NTRK2: variants seen among roughly 807,000 people sequenced by gnomAD.
The protein encoded by NTRK2 is BDNF/NT-3 growth factors receptor.
In NTRK2, 13 loss-of-function variants were observed where a neutral mutation model predicts 94.5. That is an observed-to-expected ratio of 0.14 (90% CI 0.09 to 0.22). The LOEUF is 0.22. Ranked by LOEUF, NTRK2 falls within the 10% of genes least tolerant of loss-of-function variation. The pLI, the probability that NTRK2 is intolerant of heterozygous loss-of-function variation, is 1.00. For synonymous variants in NTRK2, 372 were observed against 407.4 expected (o/e 0.91, Z 1.05); for missense variants, 639 against 1,071.2 (o/e 0.60, Z 5.63).
At chr9:84,891,874 T>C (rs1426412404) in intron 14 of NTRK2, among the ~76,000 whole-genome samples, 2 of 152,156 alleles carry the variant, frequency 1.3e-5, no homozygotes, top group East Asian at 1.9e-4. Flanking sequence ...GCTCAGCTAA[T>C]ATAGTCTGCT....
At chr9:84,755,223 G>T (rs1033421887) in intron 12 of NTRK2, among the ~76,000 whole-genome samples, 3 of 152,168 alleles carry the variant, frequency 2.0e-5, no homozygotes, top group East Asian at 3.9e-4. Context: ...TTTGTTCCTT[G>T]TTCTGTGGAT....
At chr9:84,941,625 A>C (rs905754937) in intron 15 of NTRK2, among the ~76,000 whole-genome samples, 1 of 152,206 alleles carries the variant, frequency 6.6e-6, no homozygotes, top group Non-Finnish European at 1.5e-5. Context: ...ATGGTCTACC[A>C]TGATCCACCA....
Position 84,823,262 on chromosome 9 carries a change from T to C in NTRK2, c.1397-37778T>C, listed in dbSNP as rs187823797. On this transcript the variant is annotated intron_variant, in intron 12 of 18. Transcript: ENST00000277120. ...ACATACTAAAACCACGAGTGATTTT[T>C]ATTTCATTTCATTTTGTGTTCCCCA... Among the ~76,000 whole-genome samples the C allele has an allele frequency of 2.0e-5, 3 of 152,358 alleles. No homozygotes were observed. In the East Asian group the frequency reaches 5.8e-4, roughly 29 times the overall value.
chr9:84,873,264 T>A, intron 14 of NTRK2: 4 of 1,059,908 alleles, frequency 3.8e-6, no homozygotes, highest in Non-Finnish European at 4.6e-6. Context: ...GGCCAAATAA[T>A]GGCTGCTTTG....
intron 16 of NTRK2, among the ~76,000 whole-genome samples, 169 bp downstream of exon 16, chr9:84,948,803 A>G (rs1381492552): frequency 2.0e-5 from 3 of 152,234 alleles, no homozygotes; most frequent in Non-Finnish European, 4.4e-5. Flanking sequence ...AGAAGGTGAC[A>G]GTCTTGTTCT....
Position 84,867,201 on chromosome 9 carries a change from G to A in NTRK2, c.1445-42G>A, listed in dbSNP as rs2132054957. On this transcript the variant is annotated intron_variant, in intron 13 of 18. Coordinates refer to ENST00000277120, the MANE Select transcript of NTRK2 (RefSeq NM_006180.6). ...TGTATGTGAATTACAGCTCAATAAAGCCATTGATTACAGGAGAATATATAT... is the reference window on the plus strand; with the variant it reads ...TGTATGTGAATTACAGCTCAATAAAACCATTGATTACAGGAGAATATATAT... 3.2e-6 allele frequency: 5 copies of A among 1,583,674 alleles called. No individual in the cohort carries two copies. The South Asian group carries it at 4.4e-5, about 14-fold the overall frequency.
chr9:84,920,723 T>G (rs922401027), intron 14 of NTRK2, among the ~76,000 whole-genome samples: 2 of 152,196 alleles, frequency 1.3e-5, no homozygotes, highest in African/African-American at 4.8e-5. Context: ...TGCCCTTCAC[T>G]TCACCGTTAT....
At chr9:85,011,353 C>T (rs1277702154) in intron 17 of NTRK2, among the ~76,000 whole-genome samples, 4 of 152,136 alleles carry the variant, frequency 2.6e-5, no homozygotes, top group Non-Finnish European at 4.4e-5. Context: ...GAGGGATGAG[C>T]GAGGAGAGTG....
chr9:84,738,188 G>T (rs1326638357), intron 9 of NTRK2, among the ~76,000 whole-genome samples: 1 of 151,486 alleles, frequency 6.6e-6, no homozygotes, highest in East Asian at 1.9e-4. Flanking sequence ...TGAGATTTCT[G>T]ATTTGATGAG....
intron 12 of NTRK2, among the ~76,000 whole-genome samples, chr9:84,827,871 G>A (rs143126031): frequency 4.6e-5 from 7 of 152,286 alleles, no homozygotes; most frequent in African/African-American, 1.7e-4. Flanking sequence ...TTTGATTACA[G>A]TTTCGTGTTC....
chr9:84,671,575 T>C (rs772476316), intron 2 of NTRK2, among the ~76,000 whole-genome samples: 40 of 152,104 alleles, frequency 2.6e-4, no homozygotes, highest in Non-Finnish European at 1.6e-4. Context: ...GAAAAAAATA[T>C]GATAGTTGGA....
At chr9:84,844,007 CT>C (rs375903831) in intron 12 of NTRK2, among the ~76,000 whole-genome samples, 354 of 152,278 alleles carry the variant, frequency 2.3e-3, no homozygotes, top group African/African-American at 8.2e-3. Flanking sequence ...CTACCAATCA[CT>C]ACTGCAGTTG....
chr9:84,978,560 T>G (rs1311943621), intron 17 of NTRK2, among the ~76,000 whole-genome samples: 1 of 152,186 alleles, frequency 6.6e-6, no homozygotes, highest in Non-Finnish European at 1.5e-5. Flanking sequence ...AAGTGCAAGG[T>G]GAAGCAATAA....
At chr9:84,674,086 A>C (rs2058874503) in intron 2 of NTRK2, among the ~76,000 whole-genome samples, 1 of 151,462 alleles carries the variant, frequency 6.6e-6, no homozygotes, top group Non-Finnish European at 1.5e-5. Context: ...TAAAAGGCAC[A>C]GTCAAAAGAA....
intron 6 of NTRK2, among the ~76,000 whole-genome samples, chr9:84,713,124 A>G (rs1043614364): frequency 6.6e-6 from 1 of 152,114 alleles, no homozygotes; most frequent in African/African-American, 2.4e-5. Flanking sequence ...AACTGCTGTC[A>G]TGGCTTTTGA....
chr9:84,752,080 T>C lies in NTRK2; in HGVS notation c.1391T>C (p.Met464Thr). ...LKLARHSKFG[M>T]KDFSWFGFGK... is the part of the protein sequence containing the mutation. ...TTGGCAAGACACTCCAAGTTTGGCA[T>C]GAAAGGTAAGAAGGGTTGTGTTTAT... Residue 464 changes from methionine (M) to threonine (T), a missense_variant, in exon 12 of 19, where the codon ATG becomes ACG. Transcript: ENST00000277120. 6.2e-7 allele frequency: 1 copy of C among 1,613,532 alleles called. No homozygotes were observed. The highest frequency in any genetic ancestry group is 8.5e-7 in the Non-Finnish European group (1 of 1,179,480).
chr9:84,728,013 T>G (rs1410846275), intron 9 of NTRK2, 54 bp downstream of exon 9: 4 of 1,540,022 alleles, frequency 2.6e-6, no homozygotes, highest in Non-Finnish European at 3.6e-6. Context: ...ATCATTCACC[T>G]GTTGACAAAA....
chr9:84,714,922 A>G (rs998926688), intron 6 of NTRK2, among the ~76,000 whole-genome samples: 1 of 152,156 alleles, frequency 6.6e-6, no homozygotes, highest in Non-Finnish European at 1.5e-5. Flanking sequence ...TACTGTGGCC[A>G]TTGTATTTAG....
intron 12 of NTRK2, among the ~76,000 whole-genome samples, chr9:84,851,322 A>G (rs1032531653): frequency 6.6e-6 from 1 of 152,162 alleles, no homozygotes; most frequent in Non-Finnish European, 1.5e-5. Context: ...GTCTCATCTG[A>G]TGGGTTTAGT....
Sources: allele counts gnomAD v4.1 joint callset (sites outside exome capture counted in the v4.1 genomes callset), GRCh38; gene constraint gnomAD v4.1.1; transcripts MANE v1.5; gene names NCBI Gene and HGNC (gene_info 2026-07-23, HGNC 2026-07-21).